The following GALNT13 variants were observed in gnomAD, a reference collection of about 807,000 sequenced individuals.
GALNT13 encodes polypeptide N-acetylgalactosaminyltransferase 13.
GALNT13 carries 28 observed loss-of-function variants against 64.2 expected under a neutral mutation model. The observed-to-expected ratio is 0.44, with a 90% CI of 0.32 to 0.60. The LOEUF is 0.60. GALNT13 is among the 20% of genes least tolerant of loss of function. GALNT13 has a pLI of 0.05. For synonymous variants in GALNT13, 214 were observed against 224.6 expected (o/e 0.95, Z 0.42); for missense variants, 577 against 669.8 (o/e 0.86, Z 1.53).
chr2:153,245,206 T>A, the GALNT13 span, among the ~76,000 whole-genome samples: 1 of 152,212 alleles, frequency 6.6e-6, no homozygotes, highest in African/African-American at 2.4e-5. Context: ...TTCCTCAGAC[T>A]TAATTTTTCT....
At chr2:153,408,944 G>A in the GALNT13 span, among the ~76,000 whole-genome samples, 1 of 152,098 alleles carries the variant, frequency 6.6e-6, no homozygotes, top group Non-Finnish European at 1.5e-5. Context: ...GCTAGAAACA[G>A]CAGGCAGAAG....
At chr2:153,278,705 G>T in the GALNT13 span, among the ~76,000 whole-genome samples, 6 of 151,950 alleles carry the variant, frequency 3.9e-5, no homozygotes, top group Non-Finnish European at 7.4e-5. Flanking sequence ...TGTTCCATGG[G>T]TCTATGTGTC....
chr2:154,106,935 G>T (rs1378815732), intron 3 of GALNT13, among the ~76,000 whole-genome samples: 2 of 152,162 alleles, frequency 1.3e-5, no homozygotes, highest in Non-Finnish European at 2.9e-5. Flanking sequence ...GGTCAAGAAT[G>T]CAGATCTGTC....
At chr2:154,168,672 T>TA (rs1559001255) in intron 4 of GALNT13, among the ~76,000 whole-genome samples, 27,256 of 118,672 alleles carry the variant, frequency 0.23, 3,405 homozygotes, top group Non-Finnish European at 0.26. Flanking sequence ...ATCTCTACTA[T>TA]TAAAAAAAAA....
the GALNT13 span, among the ~76,000 whole-genome samples, chr2:153,563,075 G>T: frequency 2.0e-5 from 3 of 147,236 alleles, no homozygotes; most frequent in African/African-American, 7.7e-5. Context: ...TGTCCAAACT[G>T]TTTTTATCTA....
At chr2:153,726,220 T>C in the GALNT13 span, among the ~76,000 whole-genome samples, 1 of 152,212 alleles carries the variant, frequency 6.6e-6, no homozygotes, top group Non-Finnish European at 1.5e-5. Context: ...CTTTACATAT[T>C]AGTTATTCAA....
intron 4 of GALNT13, among the ~76,000 whole-genome samples, chr2:154,182,387 T>C (rs951926226): frequency 3.9e-5 from 6 of 152,150 alleles, no homozygotes; most frequent in Non-Finnish European, 8.8e-5. Context: ...GTTGTCAATG[T>C]ATTCTAAATA....
At chr2:154,328,922 C>G (rs1205818719) in intron 9 of GALNT13, among the ~76,000 whole-genome samples, 1 of 152,108 alleles carries the variant, frequency 6.6e-6, no homozygotes, top group East Asian at 1.9e-4. Context: ...CATTAAGCAT[C>G]AATTATTTTT....
chr2:154,025,597 A>G (rs942299014), intron 3 of GALNT13, among the ~76,000 whole-genome samples: 1 of 152,160 alleles, frequency 6.6e-6, no homozygotes, highest in African/African-American at 2.4e-5. Context: ...ATTTATAATC[A>G]TTCTGGATTT....
intron 2 of GALNT13, among the ~76,000 whole-genome samples, chr2:153,921,186 G>C (rs1215196752): frequency 6.6e-6 from 1 of 152,086 alleles, no homozygotes; most frequent in Non-Finnish European, 1.5e-5. Flanking sequence ...TATATTCATT[G>C]CAGCACCATT....
chr2:153,616,061 G>A, the GALNT13 span, among the ~76,000 whole-genome samples: 1 of 151,940 alleles, frequency 6.6e-6, no homozygotes. Flanking sequence ...ATCTTCATAG[G>A]CTGCGGTCTT....
At chr2:154,090,219 A>G (rs976530866) in intron 3 of GALNT13, among the ~76,000 whole-genome samples, 1 of 152,086 alleles carries the variant, frequency 6.6e-6, no homozygotes, top group Non-Finnish European at 1.5e-5. Context: ...ATTTATGTTT[A>G]TTGGAAATAA....
the GALNT13 span, among the ~76,000 whole-genome samples, chr2:153,508,001 C>A: frequency 2.0e-5 from 3 of 152,114 alleles, no homozygotes; most frequent in Admixed American, 2.0e-4. Context: ...GGAGTGTCTG[C>A]AAGGGTCCAG....
chr2:153,196,737 G>T, the GALNT13 span, among the ~76,000 whole-genome samples: 2 of 152,014 alleles, frequency 1.3e-5, no homozygotes, highest in Admixed American at 1.3e-4. Flanking sequence ...TGGGTGGCTC[G>T]TCCTGACCCC....
At chr2:153,936,296 T>G (rs1272663354) in intron 2 of GALNT13, among the ~76,000 whole-genome samples, 1 of 152,242 alleles carries the variant, frequency 6.6e-6, no homozygotes, top group African/African-American at 2.4e-5. Flanking sequence ...CAGGAATATG[T>G]GCATAGGTTA....
the GALNT13 span, among the ~76,000 whole-genome samples, chr2:153,152,095 A>G: frequency 2.6e-5 from 4 of 151,972 alleles, no homozygotes; most frequent in African/African-American, 9.7e-5. Flanking sequence ...AGCTAGTACT[A>G]AACCCTGATA....
At chr2:153,248,532 C>T in the GALNT13 span, among the ~76,000 whole-genome samples, 1 of 151,844 alleles carries the variant, frequency 6.6e-6, no homozygotes, top group African/African-American at 2.4e-5. Context: ...TAAAAACCCT[C>T]GGCCGGGCGT....
chr2:154,221,143 A>G (rs1022789581), intron 4 of GALNT13, among the ~76,000 whole-genome samples: 2 of 152,092 alleles, frequency 1.3e-5, no homozygotes, highest in Non-Finnish European at 2.9e-5. Flanking sequence ...TGCACAAATT[A>G]GTATTGTCAG....
At chr2:154,432,020 A>G (rs1460097142) in intron 11 of GALNT13, among the ~76,000 whole-genome samples, 1 of 152,216 alleles carries the variant, frequency 6.6e-6, no homozygotes, top group Non-Finnish European at 1.5e-5. Context: ...CTATGAAAAG[A>G]AAAATACAGA....
Sources: gnomAD v4.1 joint callset for allele counts (sites outside exome capture counted in the v4.1 genomes callset) on GRCh38, gnomAD v4.1.1 for gene constraint, MANE v1.5 for transcripts, NCBI Gene and HGNC (gene_info 2026-07-23, HGNC 2026-07-21) for gene names.